Variants in UPK1B observed in about 807,000 individuals in gnomAD.
UPK1B encodes the protein uroplakin-1b.
A neutral mutation model predicts 34.2 loss-of-function variants in UPK1B; 28 were observed. The observed-to-expected ratio is 0.82, with a 90% CI of 0.61 to 1.12. The LOEUF (loss-of-function observed/expected upper bound fraction) is 1.12. UPK1B is among the 50% of genes most tolerant of loss of function. The pLI is 0.00. For missense variants in UPK1B, 325 were observed against 320.9 expected (o/e 1.01, Z -0.10); for synonymous variants, 81 against 110.4 (o/e 0.73, Z 1.67).
rs115442096 is a variant in UPK1B, at chr3:119,177,577, C to T, written c.-29+3939C>T. ...CCAATAACTGTCCTAGGATGAATGACACTTTAATGTCTCTCAAATTACATA... is the reference window on the plus strand; with the variant it reads ...CCAATAACTGTCCTAGGATGAATGATACTTTAATGTCTCTCAAATTACATA... On this transcript the variant is annotated intron_variant, in intron 1 of 7. Transcript: ENST00000264234. Among the ~76,000 whole-genome samples, 1,420 of 152,328 alleles carry T rather than the reference C, an allele frequency of 9.3e-3. 17 individuals carry two copies. Among genetic ancestry groups the T allele is most frequent in the African/African-American group, 0.032 (1,327 of 41,586 alleles).
At chr3:119,197,514 G>A (rs2078072231) in intron 6 of UPK1B, among the ~76,000 whole-genome samples, 1 of 152,112 alleles carries the variant, frequency 6.6e-6, no homozygotes, top group African/African-American at 2.4e-5. Context: ...TTGTTGGGAG[G>A]ACCAAGGAGT....
chr3:119,173,962 C>G (rs1461942682), intron 1 of UPK1B, among the ~76,000 whole-genome samples: 2 of 152,104 alleles, frequency 1.3e-5, no homozygotes, highest in Non-Finnish European at 2.9e-5. Context: ...CCCGAGAAAC[C>G]CTATATCTCC....
At chr3:119,193,172 T>C (rs1401774284) in intron 5 of UPK1B, among the ~76,000 whole-genome samples, 1 of 152,226 alleles carries the variant, frequency 6.6e-6, no homozygotes, top group Admixed American at 6.5e-5. Context: ...AATCTGAAGC[T>C]TGGAGTGCTA....
intron 6 of UPK1B, 88 bp downstream of exon 6, chr3:119,194,486 C>A: frequency 7.9e-7 from 1 of 1,265,636 alleles, no homozygotes; most frequent in Non-Finnish European, 1.1e-6. Flanking sequence ...AATAGTCTTT[C>A]AGTAAGGAAT....
intron 7 of UPK1B, 53 bp downstream of exon 7, chr3:119,199,193 C>A (rs1259935337): frequency 1.9e-6 from 3 of 1,594,232 alleles, no homozygotes; most frequent in South Asian, 1.1e-5. Flanking sequence ...TACGGAGAGA[C>A]CTTGAGAGTG....
chr3:119,184,121 T>G (rs1314951062), intron 1 of UPK1B, among the ~76,000 whole-genome samples: 4 of 152,230 alleles, frequency 2.6e-5, no homozygotes, highest in African/African-American at 4.8e-5. Flanking sequence ...TCTACCTTCC[T>G]TCTTTTCTCC....
rs2078109026 is a variant in UPK1B, at chr3:119,204,380, TG to T, written c.*414del. The T allele has an allele frequency of 5.9e-6, 1 of 170,582 alleles. No homozygotes were observed. The highest frequency in any genetic ancestry group is 1.6e-4 in the East Asian group (1 of 6,318). 10.6% of individuals were successfully genotyped at this position (170,582 alleles called of 1,614,324 possible). On this transcript the variant is annotated 3_prime_UTR_variant, in exon 8 of 8. Transcript: ENST00000264234. ...CCAATGCTTCTGTTGATCTCAGTAT[TG>T]TCAGGGGAACAGAGAAGTTGGGAAA...
At position 119,194,312 on chromosome 3, in the gene UPK1B, C is replaced by G. The variant is rs773308659; in HGVS notation, c.562C>G (p.Arg188Gly). Residue 188 changes from arginine to glycine, a missense_variant, in exon 6 of 8, where the codon CGT becomes GGT. Transcript: ENST00000264234. Reference sequence around the variant, plus strand: ...TAATGATGCTGACTATCCCTGGCCTCGTCAATGCTGTGTTATGAACAATCT... The same window carrying G: ...TAATGATGCTGACTATCCCTGGCCTGGTCAATGCTGTGTTATGAACAATCT... ...ENNDADYPWPRQCCVMNNLKE... is the reference protein window; with the variant it reads ...ENNDADYPWPGQCCVMNNLKE... The G allele has an allele frequency of 9.3e-6, 15 of 1,614,046 alleles. No individual in the cohort carries two copies. Among genetic ancestry groups the G allele is most frequent in the Non-Finnish European group, 8.5e-6 (10 of 1,179,934 alleles).
chr3:119,185,472 C>T (rs1395425723), intron 1 of UPK1B, among the ~76,000 whole-genome samples: 2 of 151,522 alleles, frequency 1.3e-5, no homozygotes, highest in South Asian at 2.1e-4. Context: ...TGGAATGTCA[C>T]CCACCCCCAC....
chr3:119,179,350 G>GAGATAGAT (rs1559899935), intron 1 of UPK1B, among the ~76,000 whole-genome samples: 7 of 59,774 alleles, frequency 1.2e-4, no homozygotes, highest in African/African-American at 3.8e-4. Flanking sequence ...GAGAGAGAGG[G>GAGATAGAT]AGATATATAT....
chr3:119,187,535 T>G (rs944473491), intron 2 of UPK1B, among the ~76,000 whole-genome samples: 1 of 152,056 alleles, frequency 6.6e-6, no homozygotes, highest in Non-Finnish European at 1.5e-5. Context: ...CCCAAGGACA[T>G]TGTGGATGGT....
intron 1 of UPK1B, among the ~76,000 whole-genome samples, chr3:119,179,527 T>TTTTTTTTTTTG (rs1553741698): frequency 7.6e-6 from 1 of 131,566 alleles, no homozygotes; most frequent in African/African-American, 2.8e-5. Flanking sequence ...TTTTTTTTTT[T>TTTTTTTTTTTG]GAGACGGAGT....
chr3:119,195,534 C>A (rs1367824209), intron 6 of UPK1B, among the ~76,000 whole-genome samples: 1 of 152,276 alleles, frequency 6.6e-6, no homozygotes, highest in African/African-American at 2.4e-5. Flanking sequence ...CCTCATTGAG[C>A]TTTACTGCAA....
At chr3:119,185,027 T>G (rs1234305420) in intron 1 of UPK1B, among the ~76,000 whole-genome samples, 1 of 152,176 alleles carries the variant, frequency 6.6e-6, no homozygotes, top group African/African-American at 2.4e-5. Context: ...GTTTGTGCAG[T>G]CTAACACGCA....
rs926598848 is a variant in UPK1B at position 119,204,452 on chromosome 3, C to T, written c.*485C>T. 1 of 156,102 alleles carries T rather than the reference C, an allele frequency of 6.4e-6. No individual in the cohort carries two copies. Among genetic ancestry groups the T allele is most frequent in the African/African-American group, 2.4e-5 (1 of 41,472 alleles). 9.7% of individuals were successfully genotyped at this position (156,102 alleles called of 1,614,324 possible). ...TTGCATTTCTTTCTAGAGTAGCTCC[C>T]ATATATGGAGATGGGTGATTCTCTT... is the stretch of plus-strand genomic sequence containing the variant. On this transcript the variant is annotated 3_prime_UTR_variant, in exon 8 of 8. Coordinates refer to ENST00000264234, the MANE Select transcript of UPK1B (RefSeq NM_006952.4).
chr3:119,186,684 G>A lies in UPK1B; in HGVS notation c.-28-30G>A, dbSNP rs1279401020. 3 of 1,570,754 alleles carry A rather than the reference G, an allele frequency of 1.9e-6. No homozygotes were observed. In the Middle Eastern group the frequency reaches 5.0e-4, roughly 262 times the overall value. Reference sequence around the variant, plus strand: ...TTGGTTTACTCATGTTACAGAAACTGTAGCAGTTATTTGGTAATGCTTTCA... The same window carrying A: ...TTGGTTTACTCATGTTACAGAAACTATAGCAGTTATTTGGTAATGCTTTCA... On this transcript the variant is annotated intron_variant, in intron 1 of 7. Coordinates refer to ENST00000264234, the MANE Select transcript of UPK1B (RefSeq NM_006952.4).
rs71297415 is a variant in UPK1B, at chr3:119,179,507, CT to C, written c.-29+5889del. ...TTTGGGGAAGAGTTGATGTTGCAGTCTTTTTTTTTTTTTTTTTTTTGAGACG... is the reference window on the plus strand; with the variant it reads ...TTTGGGGAAGAGTTGATGTTGCAGTCTTTTTTTTTTTTTTTTTTTGAGACG... On this transcript the variant is annotated intron_variant, in intron 1 of 7. Coordinates refer to ENST00000264234, the MANE Select transcript of UPK1B (RefSeq NM_006952.4). Among the ~76,000 whole-genome samples the C allele has an allele frequency of 2.9e-4, 15 of 52,254 alleles. 2 individuals are homozygous for C. Among genetic ancestry groups the C allele is most frequent in the Admixed American group, 4.7e-4 (2 of 4,226 alleles). 34.3% of individuals were successfully genotyped at this position (52,254 alleles called of 152,430 possible). A position where few individuals can be genotyped will look rare whatever the true frequency, so the allele number is the denominator to read the frequency against.
chr3:119,176,554 A>G (rs2077957782), intron 1 of UPK1B, among the ~76,000 whole-genome samples: 1 of 152,216 alleles, frequency 6.6e-6, no homozygotes, highest in African/African-American at 2.4e-5. Flanking sequence ...AATCATCATC[A>G]TACCAGGCCA....
chr3:119,190,221 T>C (rs1376714245), intron 3 of UPK1B, 24 bp from the exon 4 acceptor site: 1 of 1,537,220 alleles, frequency 6.5e-7, no homozygotes, highest in South Asian at 1.2e-5. Flanking sequence ...TGTAATTCTT[T>C]TATCTCATTT....
Sources: gnomAD v4.1 joint callset for allele counts (sites outside exome capture counted in the v4.1 genomes callset) on GRCh38, gnomAD v4.1.1 for gene constraint, MANE v1.5 for transcripts, NCBI Gene and HGNC (gene_info 2026-07-23, HGNC 2026-07-21) for gene names.